OR56A3: variants seen among roughly 807,000 people sequenced by gnomAD.
OR56A3 encodes the protein olfactory receptor family 56 subfamily A member 3.
A neutral mutation model predicts 17.5 loss-of-function variants in OR56A3; 23 were observed. The observed-to-expected ratio is 1.32, with a 90% CI of 0.95 to 1.87. The LOEUF is 1.87. Among genes scored for constraint, OR56A3 ranks in the 40% most tolerant of loss-of-function variants. The probability of loss-of-function intolerance (pLI) is 0.00; values close to 1 mark genes in which losing one functional copy is unlikely to be tolerated. For synonymous variants in OR56A3, 175 were observed against 150.6 expected, an observed-to-expected ratio of 1.16 and a Z score of -1.19; for missense variants, 366 against 380.1, an observed-to-expected ratio of 0.96 and a Z score of 0.31.
At chr11:5,954,462 T>C (rs571377111), downstream of OR56A3, among the ~76,000 whole-genome samples, 257 of 152,220 alleles carry the variant, frequency 1.7e-3, 2 homozygotes, top group Middle Eastern at 6.8e-3. Context: ...AGTGTGAAAA[T>C]AGAGCTGGAA....
the OR56A3 span, chr11:5,968,392 T>C: frequency 6.2e-7 from 1 of 1,613,088 alleles, no homozygotes; most frequent in South Asian, 1.1e-5. Flanking sequence ...AAGAGGAGGC[T>C]GAGGGGCAGA....
At chr11:5,954,368 G>C (rs1392561204), downstream of OR56A3, among the ~76,000 whole-genome samples, 2 of 152,108 alleles carry the variant, frequency 1.3e-5, no homozygotes, top group Admixed American at 6.5e-5. Context: ...TAGGAACACA[G>C]ATTTGCTGTT....
chr11:5,980,371 G>A, the OR56A3 span, among the ~76,000 whole-genome samples: 3 of 152,048 alleles, frequency 2.0e-5, no homozygotes, highest in Non-Finnish European at 4.4e-5. Context: ...TCAGTGTTGG[G>A]TGCATATATA....
the OR56A3 span, among the ~76,000 whole-genome samples, chr11:5,975,934 G>T: frequency 2.0e-5 from 3 of 151,812 alleles, no homozygotes; most frequent in African/African-American, 7.2e-5. Flanking sequence ...AAGAAATATA[G>T]AAACATCCAC....
chr11:5,986,248 T>C, the OR56A3 span: 1 of 1,613,790 alleles, frequency 6.2e-7, no homozygotes, highest in Non-Finnish European at 8.5e-7. Context: ...GGCCAGAACA[T>C]CCAGCCCAAT....
At chr11:6,002,892 A>G in the OR56A3 span, 25 of 1,614,088 alleles carry the variant, frequency 1.5e-5, no homozygotes, top group Non-Finnish European at 1.9e-5. Flanking sequence ...GAGAAGGCTG[A>G]GGGGCAGAGA....
downstream of OR56A3, among the ~76,000 whole-genome samples, chr11:5,951,648 A>G (rs1049157734): frequency 2.0e-5 from 3 of 152,134 alleles, no homozygotes; most frequent in Non-Finnish European, 4.4e-5. Flanking sequence ...GGCCCAGCTG[A>G]TGCTAGTCAC....
At chr11:5,959,884 A>G in the OR56A3 span, among the ~76,000 whole-genome samples, 1 of 152,180 alleles carries the variant, frequency 6.6e-6, no homozygotes, top group African/African-American at 2.4e-5. Flanking sequence ...TCTTCTGAAT[A>G]TGGATATTCA....
At chr11:5,986,534 G>T in the OR56A3 span, 1 of 1,613,952 alleles carries the variant, frequency 6.2e-7, no homozygotes, top group Non-Finnish European at 8.5e-7. Flanking sequence ...ATGGCCACAA[G>T]TACCCCTGAC....
At chr11:5,992,817 A>G in the OR56A3 span, among the ~76,000 whole-genome samples, 1 of 152,180 alleles carries the variant, frequency 6.6e-6, no homozygotes, top group Non-Finnish European at 1.5e-5. Flanking sequence ...GAGCTTCTCC[A>G]CTAGGTGGAG....
Position 5,947,373 on chromosome 11 carries a change from C to T in OR56A3, c.27C>T (p.Leu9=), listed in dbSNP as rs1186307982. MTTHRNDT[L]STEASDFLLN... Reference sequence around the variant, plus strand: ...TGACAACACACCGAAATGACACCCTCTCCACTGAAGCTTCAGACTTCCTCT... The same window carrying T: ...TGACAACACACCGAAATGACACCCTTTCCACTGAAGCTTCAGACTTCCTCT... The change falls in exon 3 of 3, where the codon CTC becomes CTT. Residue 9 remains leucine (L), a synonymous_variant. Transcript: ENST00000641160. The T allele has an allele frequency of 1.2e-5, 20 of 1,609,010 alleles. No homozygotes were observed. Among genetic ancestry groups the T allele is most frequent in the African/African-American group, 2.7e-5 (2 of 74,816 alleles).
At chr11:5,960,550 C>T in the OR56A3 span, among the ~76,000 whole-genome samples, 5 of 152,240 alleles carry the variant, frequency 3.3e-5, no homozygotes, top group Non-Finnish European at 7.3e-5. Flanking sequence ...CGGAGTCTCG[C>T]TCACTCAGTG....
At chr11:6,011,423 A>T in the OR56A3 span, among the ~76,000 whole-genome samples, 1 of 152,152 alleles carries the variant, frequency 6.6e-6, no homozygotes, top group Non-Finnish European at 1.5e-5. Flanking sequence ...AGCTCTGTTC[A>T]TGCAATTTTT....
chr11:5,983,258 G>A, the OR56A3 span, among the ~76,000 whole-genome samples: 1 of 151,538 alleles, frequency 6.6e-6, no homozygotes, highest in Non-Finnish European at 1.5e-5. Context: ...TTTTCTCTTT[G>A]GCTACATCTC....
the OR56A3 span, chr11:5,985,895 G>C: frequency 6.6e-7 from 1 of 1,519,530 alleles, no homozygotes; most frequent in Non-Finnish European, 8.8e-7. Context: ...CCTGGCTGTG[G>C]TCCGCAGAAG....
chr11:6,014,466 A>G, the OR56A3 span, among the ~76,000 whole-genome samples: 5 of 152,198 alleles, frequency 3.3e-5, no homozygotes, highest in Admixed American at 1.3e-4. Flanking sequence ...TGCTCCTTCC[A>G]TGTAAGATAC....
the OR56A3 span, among the ~76,000 whole-genome samples, chr11:5,966,190 G>T: frequency 9.8e-5 from 14 of 143,588 alleles, no homozygotes; most frequent in African/African-American, 3.4e-4. Context: ...CAGCAACATG[G>T]TGAAACCCCG....
downstream of OR56A3, among the ~76,000 whole-genome samples, chr11:5,954,394 AT>A (rs535041164): frequency 6.2e-3 from 944 of 152,248 alleles, 4 homozygotes; most frequent in Non-Finnish European, 6.9e-3. Context: ...ATTGTTATTT[AT>A]TGCTAGAGAG....
At chr11:5,957,113 C>A in the OR56A3 span, among the ~76,000 whole-genome samples, 1 of 151,644 alleles carries the variant, frequency 6.6e-6, no homozygotes, top group Non-Finnish European at 1.5e-5. Context: ...TCGCACAATT[C>A]CATTCCAGCC....
Sources: gnomAD v4.1 joint callset for allele counts (sites outside exome capture counted in the v4.1 genomes callset) on GRCh38, gnomAD v4.1.1 for gene constraint, MANE v1.5 for transcripts, NCBI Gene and HGNC (gene_info 2026-07-23, HGNC 2026-07-21) for gene names.